Variants in MGST1 observed in about 807,000 individuals in gnomAD.
MGST1 encodes glutathione S-transferase 12.
MGST1 carries 5 observed loss-of-function variants against 8.9 expected under a neutral mutation model. The observed-to-expected ratio is 0.56, with a 90% confidence interval of 0.29 to 1.19. The LOEUF (loss-of-function observed/expected upper bound fraction) is 1.19. Ranked by LOEUF, MGST1 falls within the 50% of genes most tolerant of loss-of-function variation. The pLI, the probability that MGST1 is intolerant of heterozygous loss-of-function variation, is 0.08. For synonymous variants in MGST1, 54 were observed against 67.8 expected (o/e 0.80, Z 1.00); for missense variants, 182 against 187.4 (o/e 0.97, Z 0.17).
At position 16,582,014 on chromosome 12, in the gene MGST1, G is replaced by A. The variant is rs183334515; in HGVS notation, n.483-7514G>A. Among the ~76,000 whole-genome samples, 65 of 151,974 alleles carry A rather than the reference G, an allele frequency of 4.3e-4. No homozygotes were observed. Among genetic ancestry groups the A allele is most frequent in the Non-Finnish European group, 6.2e-4 (42 of 67,946 alleles). On this transcript the variant is annotated intron_variant and non_coding_transcript_variant, in intron 4 of 4. Transcript: ENST00000538857. This position sits in a 1 kb window ranked among gnomAD's most constrained non-coding sequence, Gnocchi z 4.1. ...TTTTCTTATCTTATTACATTGGCTA[G>A]ACCCTTTAAAACATTAAATATGAGG...
At chr12:16,465,989 A>G (rs1941252165) in intron 4 of MGST1, among the ~76,000 whole-genome samples, 1 of 152,154 alleles carries the variant, frequency 6.6e-6, no homozygotes, top group Admixed American at 6.5e-5. Flanking sequence ...TATATAGCTA[A>G]TAACTCTTAT....
chr12:16,579,825 T>C (rs1943103091), intron 4 of MGST1, among the ~76,000 whole-genome samples: 1 of 152,222 alleles, frequency 6.6e-6, no homozygotes, highest in African/African-American at 2.4e-5. Flanking sequence ...AATGTAGAAG[T>C]GATAGGATGA....
At position 16,500,999 on chromosome 12, in the gene MGST1, G is replaced by A. The variant is rs1054310064; in HGVS notation, n.483-88529G>A. On this transcript the variant is annotated intron_variant and non_coding_transcript_variant, in intron 4 of 4. Transcript: ENST00000538857. This position sits in a 1 kb window ranked among gnomAD's most constrained non-coding sequence, Gnocchi z 4.3. Reference sequence around the variant, plus strand: ...TGTGCACCTGTAGTCCCAGCTACTTGGTAGCCTGAGGCAGAAGAATTGCTT... The same window carrying A: ...TGTGCACCTGTAGTCCCAGCTACTTAGTAGCCTGAGGCAGAAGAATTGCTT... 2.0e-5 allele frequency among the ~76,000 whole-genome samples: 3 copies of A among 151,228 alleles called. No individual in the cohort carries two copies. Among genetic ancestry groups the A allele is most frequent in the African/African-American group, 7.3e-5 (3 of 41,154 alleles).
intron 4 of MGST1, among the ~76,000 whole-genome samples, chr12:16,486,610 C>G (rs895601628): frequency 6.6e-6 from 1 of 152,078 alleles, no homozygotes; most frequent in African/African-American, 2.4e-5. Context: ...ATCCAAGAGA[C>G]AAGTGTCAAT....
At chr12:16,407,892 C>T (rs929680676) in intron 1 of MGST1, among the ~76,000 whole-genome samples, 7 of 151,566 alleles carry the variant, frequency 4.6e-5, no homozygotes, top group African/African-American at 7.3e-5. Context: ...ATTAGCTGGG[C>T]GTGGTGGTGT....
At position 16,358,471 on chromosome 12, in the gene MGST1, C is replaced by CTT. The variant is rs796550483; in HGVS notation, c.221+784_221+785dup. Among the ~76,000 whole-genome samples the CTT allele has an allele frequency of 5.0e-3, 719 of 144,818 alleles. 7 individuals carry two copies. Among genetic ancestry groups the CTT allele is most frequent in the African/African-American group, 0.017 (687 of 39,684 alleles). The stretch of plus-strand genomic sequence containing the variant: ...TTGCTGCAAAGGACATGATTTCATT[C>CTT]TTTTTTTTTTTTTGAGATGGAGTCT... On this transcript the variant is annotated intron_variant, in intron 3 of 3. Coordinates refer to ENST00000396210, the MANE Select transcript of MGST1 (RefSeq NM_020300.5).
intron 4 of MGST1, among the ~76,000 whole-genome samples, chr12:16,454,871 C>CAAAAAAAAAAAAAA (rs1941158970): frequency 9.9e-6 from 1 of 100,548 alleles, no homozygotes; most frequent in African/African-American, 4.2e-5. Flanking sequence ...TTTAAGTAGA[C>CAAAAAAAAAAAAAA]CAAAAAAAAA....
chr12:16,433,460 A>C (rs962395099), intron 1 of MGST1, among the ~76,000 whole-genome samples: 1 of 152,082 alleles, frequency 6.6e-6, no homozygotes, highest in African/African-American at 2.4e-5. Context: ...GGAAGAGCTC[A>C]TGTTTCAGTT....
intron 4 of MGST1, among the ~76,000 whole-genome samples, chr12:16,485,653 G>C (rs1485029551): frequency 6.6e-6 from 1 of 151,820 alleles, no homozygotes; most frequent in Non-Finnish European, 1.5e-5. Flanking sequence ...CATATCTCTA[G>C]GCAAACAATT....
At chr12:16,431,562 C>T (rs1451022106) in intron 1 of MGST1, among the ~76,000 whole-genome samples, 1 of 151,904 alleles carries the variant, frequency 6.6e-6, no homozygotes, top group African/African-American at 2.4e-5. Flanking sequence ...GGGGAGATGG[C>T]TCACAGGTGG....
chr12:16,426,813 CAAA>C (rs895278972), intron 1 of MGST1, among the ~76,000 whole-genome samples: 6 of 151,340 alleles, frequency 4.0e-5, no homozygotes, highest in Non-Finnish European at 5.9e-5. Context: ...ACAACAACAA[CAAA>C]AAAAAATTAG....
chr12:16,578,544 G>A (rs576675652), intron 4 of MGST1, among the ~76,000 whole-genome samples: 9 of 152,098 alleles, frequency 5.9e-5, no homozygotes, highest in Admixed American at 2.6e-4. Flanking sequence ...TAGGCCGGGC[G>A]CCGTGGCTCA....
intron 1 of MGST1, among the ~76,000 whole-genome samples, chr12:16,393,350 C>T (rs962630699): frequency 6.6e-6 from 1 of 152,192 alleles, no homozygotes; most frequent in African/African-American, 2.4e-5. Flanking sequence ...TTTCCTTCCT[C>T]ATTTCCAAAA....
rs1941519047 is a variant in MGST1 at position 16,503,558 on chromosome 12, C to A, written n.483-85970C>A. Among the ~76,000 whole-genome samples the A allele has an allele frequency of 6.6e-6, 1 of 152,284 alleles. No homozygotes were observed. Among genetic ancestry groups the A allele is most frequent in the East Asian group, 1.9e-4 (1 of 5,166 alleles). On this transcript the variant is annotated intron_variant and non_coding_transcript_variant, in intron 4 of 4. Transcript: ENST00000538857. The surrounding 1 kb of genome is among the most constrained non-coding windows in gnomAD (Gnocchi z 4.8). ...TGTTCACCACTCTATCTCTTCTCTA[C>A]TATTGGCTTCATAATTGTACATCCT...
In MGST1 at chr12:16,363,555, A is replaced by G; in HGVS notation, c.222-240A>G. ...TCGTTTTGATATTCTAGGAACTACA[A>G]AATGCCTTCTGTGATATTTAAAGAT... On this transcript the variant is annotated intron_variant, in intron 3 of 3. Transcript: ENST00000396210. The surrounding 1 kb of genome is among the most constrained non-coding windows in gnomAD (Gnocchi z 4.6). 3 of 286,294 alleles carry G rather than the reference A, an allele frequency of 1.0e-5. No homozygotes were observed. Among genetic ancestry groups the G allele is most frequent in the Non-Finnish European group, 1.9e-5 (3 of 154,932 alleles). 17.7% of individuals were successfully genotyped at this position (286,294 alleles called of 1,614,324 possible). A position where few individuals can be genotyped will look rare whatever the true frequency, so the allele number is the denominator to read the frequency against.
chr12:16,523,850 G>A (rs766347567), intron 4 of MGST1, among the ~76,000 whole-genome samples: 1 of 152,032 alleles, frequency 6.6e-6, no homozygotes, highest in East Asian at 1.9e-4. Context: ...TGCATTGTCA[G>A]CATTGTTAGA....
intron 4 of MGST1, among the ~76,000 whole-genome samples, chr12:16,495,781 G>A (rs1442167546): frequency 6.6e-6 from 1 of 151,526 alleles, no homozygotes; most frequent in Non-Finnish European, 1.5e-5. Flanking sequence ...GCTATCAACA[G>A]CTTTTAGAAT....
intron 4 of MGST1, among the ~76,000 whole-genome samples, chr12:16,538,279 C>T (rs1307050489): frequency 6.6e-6 from 1 of 152,134 alleles, no homozygotes; most frequent in East Asian, 1.9e-4. Flanking sequence ...CTCAGCCTGG[C>T]CCTTATTGTT....
intron 1 of MGST1, among the ~76,000 whole-genome samples, chr12:16,428,463 C>T (rs1940912001): frequency 2.0e-5 from 3 of 151,430 alleles, no homozygotes; most frequent in African/African-American, 7.3e-5. Flanking sequence ...CTGTATTGAA[C>T]ATTTCTATTG....
Sources: gnomAD v4.1 joint callset for allele counts (sites outside exome capture counted in the v4.1 genomes callset) on GRCh38, gnomAD v4.1.1 for gene constraint, Gnocchi (gnomAD v3.1) non-coding constraint, MANE v1.5 for transcripts, NCBI Gene and HGNC (gene_info 2026-07-23, HGNC 2026-07-21) for gene names.